UBE2E2: variants seen among roughly 807,000 people sequenced by gnomAD.
UBE2E2 encodes ubiquitin-conjugating enzyme E2 E2.
In UBE2E2, 6 loss-of-function variants were observed where a neutral mutation model predicts 24.7. That is an observed-to-expected ratio of 0.24 (90% CI 0.13 to 0.48). The LOEUF (loss-of-function observed/expected upper bound fraction) is 0.48. Among genes scored for constraint, UBE2E2 ranks in the 20% least tolerant of loss-of-function variants. The pLI is 0.99. For missense variants in UBE2E2, 169 were observed against 245.0 expected (o/e 0.69, Z 2.07); for synonymous variants, 104 against 83.6 (o/e 1.24, Z -1.33).
intron 3 of UBE2E2, among the ~76,000 whole-genome samples, chr3:23,486,681 A>G (rs1699379869): frequency 6.6e-6 from 1 of 152,134 alleles, no homozygotes; most frequent in African/African-American, 2.4e-5. Context: ...GAGTGACAGA[A>G]CAGCTCTCAG....
intron 3 of UBE2E2, among the ~76,000 whole-genome samples, chr3:23,354,497 A>G (rs947187961): frequency 6.6e-5 from 10 of 152,342 alleles, no homozygotes; most frequent in African/African-American, 2.4e-4. Flanking sequence ...ACAAAGGGCT[A>G]ATATCCAGAA....
At chr3:23,360,177 A>C (rs1468574617) in intron 3 of UBE2E2, among the ~76,000 whole-genome samples, 1 of 152,240 alleles carries the variant, frequency 6.6e-6, no homozygotes, top group Non-Finnish European at 1.5e-5. Context: ...TTATTATAGC[A>C]GAGTGACACG....
intron 3 of UBE2E2, among the ~76,000 whole-genome samples, chr3:23,282,061 T>C (rs1462071148): frequency 6.6e-6 from 1 of 152,246 alleles, no homozygotes; most frequent in Non-Finnish European, 1.5e-5. Flanking sequence ...CAAAGCTTTA[T>C]AACCAGCAAG....
chr3:23,313,158 G>T (rs952259215), intron 3 of UBE2E2, among the ~76,000 whole-genome samples: 1 of 151,842 alleles, frequency 6.6e-6, no homozygotes, highest in Non-Finnish European at 1.5e-5. Flanking sequence ...TTGATTTTCT[G>T]TCTGGATGAT....
chr3:23,483,735 A>G (rs1261597994), intron 3 of UBE2E2, among the ~76,000 whole-genome samples: 1 of 152,206 alleles, frequency 6.6e-6, no homozygotes, highest in Non-Finnish European at 1.5e-5. Context: ...AGTCTGTAAT[A>G]GTAGTTCTAT....
chr3:23,475,287 T>C (rs1318572004), intron 3 of UBE2E2, among the ~76,000 whole-genome samples: 1 of 152,118 alleles, frequency 6.6e-6, no homozygotes, highest in Non-Finnish European at 1.5e-5. Flanking sequence ...TTGTGAGCAC[T>C]GTTGACTCAC....
intron 3 of UBE2E2, among the ~76,000 whole-genome samples, chr3:23,394,736 TAAG>T (rs1697033576): frequency 6.6e-6 from 1 of 152,166 alleles, no homozygotes; most frequent in Admixed American, 6.5e-5. Context: ...CAGAGATTGC[TAAG>T]AAGGAGTGGT....
intron 3 of UBE2E2, among the ~76,000 whole-genome samples, chr3:23,226,660 G>A (rs528042375): frequency 6.6e-6 from 1 of 152,162 alleles, no homozygotes; most frequent in African/African-American, 2.4e-5. Context: ...AAACATAAAA[G>A]GGGAGAATTT....
intron 4 of UBE2E2, 55 bp from the exon 5 acceptor site, chr3:23,532,499 G>A: frequency 1.4e-6 from 2 of 1,430,656 alleles, no homozygotes; most frequent in Non-Finnish European, 1.9e-6. Context: ...ATTGTCTATA[G>A]ATACTGTTAA....
At chr3:23,420,061 C>G (rs1207817319) in intron 3 of UBE2E2, among the ~76,000 whole-genome samples, 1 of 152,146 alleles carries the variant, frequency 6.6e-6, no homozygotes, top group African/African-American at 2.4e-5. Flanking sequence ...ATACAGATGC[C>G]TAAGAGAGAG....
chr3:23,521,752 A>G (rs1229710296), intron 4 of UBE2E2, among the ~76,000 whole-genome samples: 2 of 152,102 alleles, frequency 1.3e-5, no homozygotes, highest in African/African-American at 2.4e-5. Context: ...TATCATAAGT[A>G]TATTTTATAT....
At chr3:23,554,916 C>CTT (rs1055904204) in intron 5 of UBE2E2, among the ~76,000 whole-genome samples, 1 of 146,276 alleles carries the variant, frequency 6.8e-6, no homozygotes, top group Non-Finnish European at 1.5e-5. Flanking sequence ...CTGAATATAC[C>CTT]TTTTTTTTTT....
rs1249212945 is a variant in UBE2E2, at chr3:23,435,886, C to T, written c.228-63722C>T. Reference sequence around the variant, plus strand: ...CACCAAGGTCTGGTTTTGTGGAAGACAGTTATTCCACGGCAGGGGCGGGGC... The same window carrying T: ...CACCAAGGTCTGGTTTTGTGGAAGATAGTTATTCCACGGCAGGGGCGGGGC... On this transcript the variant is annotated intron_variant, in intron 3 of 5. Coordinates refer to ENST00000396703, the MANE Select transcript of UBE2E2 (RefSeq NM_152653.4). Among the ~76,000 whole-genome samples, 25 of 152,238 alleles carry T rather than the reference C, an allele frequency of 1.6e-4. No individual in the cohort carries two copies. In the East Asian group the frequency reaches 4.8e-3, roughly 29 times the overall value.
intron 3 of UBE2E2, among the ~76,000 whole-genome samples, chr3:23,315,480 C>T (rs1694548846): frequency 6.6e-6 from 1 of 152,036 alleles, no homozygotes; most frequent in Admixed American, 6.6e-5. Context: ...TTAATTATTT[C>T]AGTCTCTTTG....
At chr3:23,570,091 A>G (rs991291713) in intron 5 of UBE2E2, among the ~76,000 whole-genome samples, 3 of 152,130 alleles carry the variant, frequency 2.0e-5, no homozygotes, top group Admixed American at 1.3e-4. Context: ...CTTATACCTG[A>G]TTTAAATCTA....
intron 3 of UBE2E2, among the ~76,000 whole-genome samples, chr3:23,338,853 T>C (rs1389752649): frequency 6.6e-6 from 1 of 151,974 alleles, no homozygotes; most frequent in Non-Finnish European, 1.5e-5. Context: ...AAATGAAGAG[T>C]CATTGATATA....
At chr3:23,558,752 A>G (rs1695849370) in intron 5 of UBE2E2, among the ~76,000 whole-genome samples, 1 of 152,268 alleles carries the variant, frequency 6.6e-6, no homozygotes. Context: ...CTCTTCACTG[A>G]AATCTGTTCA....
intron 3 of UBE2E2, among the ~76,000 whole-genome samples, chr3:23,459,314 C>T (rs983298096): frequency 6.6e-6 from 1 of 152,152 alleles, no homozygotes; most frequent in Non-Finnish European, 1.5e-5. Flanking sequence ...CATAAACATT[C>T]TTCTCATTGA....
At chr3:23,540,350 C>G (rs1306996780) in intron 5 of UBE2E2, among the ~76,000 whole-genome samples, 1 of 151,838 alleles carries the variant, frequency 6.6e-6, no homozygotes, top group Non-Finnish European at 1.5e-5. Flanking sequence ...CAGCATGTGC[C>G]CTGTGGAAGA....
Sources: allele counts gnomAD v4.1 joint callset (sites outside exome capture counted in the v4.1 genomes callset), GRCh38; gene constraint gnomAD v4.1.1; transcripts MANE v1.5; gene names NCBI Gene and HGNC (gene_info 2026-07-23, HGNC 2026-07-21).